Variants in SMARCC1 observed in about 807,000 individuals in gnomAD.
SMARCC1 encodes the protein SWI/SNF related BAF chromatin remodeling complex subunit C1.
Under a neutral mutation model 147.4 loss-of-function variants are expected in SMARCC1, and 43 were observed. The observed-to-expected ratio is 0.29, with a 90% CI of 0.23 to 0.38. The LOEUF (loss-of-function observed/expected upper bound fraction) is 0.38, where lower values mean the gene tolerates loss of function less well. Among genes scored for constraint, SMARCC1 ranks in the 10% least tolerant of loss-of-function variants. The probability of loss-of-function intolerance (pLI) is 1.00; values close to 1 mark genes in which losing one functional copy is unlikely to be tolerated. For synonymous variants in SMARCC1, 495 were observed against 484.4 expected (o/e 1.02, Z -0.29); for missense variants, 1,119 against 1,381.1 (o/e 0.81, Z 3.01).
intron 24 of SMARCC1, among the ~76,000 whole-genome samples, chr3:47,628,004 G>A (rs1158128247): frequency 6.6e-6 from 1 of 152,040 alleles, no homozygotes; most frequent in Non-Finnish European, 1.5e-5. Context: ...ATTACGGTGT[G>A]AGCCACTGTG....
In SMARCC1 at chr3:47,590,952, T is replaced by A. The variant is rs1157433750; in HGVS notation, c.3044-115A>T. The A allele has an allele frequency of 3.4e-6, 3 of 883,388 alleles. No individual in the cohort carries two copies. In the Admixed American group the frequency reaches 8.5e-5, roughly 25 times the overall value. 54.7% of individuals were successfully genotyped at this position (883,388 alleles called of 1,614,324 possible). ...CCAACCTTCCAAAGGATCTGAAATA[T>A]CAACAGAGCAATAATCTGTAATAAT... On this transcript the variant is annotated intron_variant, in intron 26 of 27. Coordinates refer to ENST00000254480, the MANE Select transcript of SMARCC1 (RefSeq NM_003074.4).
At chr3:47,748,516 A>AC (rs2034592275) in intron 2 of SMARCC1, among the ~76,000 whole-genome samples, 1 of 100,518 alleles carries the variant, frequency 9.9e-6, no homozygotes, top group Admixed American at 1.2e-4. Flanking sequence ...GAGCCACCGC[A>AC]CCCGGCCTAT....
chr3:47,659,289 A>T (rs935722182), intron 21 of SMARCC1, among the ~76,000 whole-genome samples: 3 of 151,090 alleles, frequency 2.0e-5, no homozygotes, highest in Non-Finnish European at 3.0e-5. Flanking sequence ...AAATAAAAAA[A>T]AAAGAAAAAA....
chr3:47,772,358 A>G (rs889787380), intron 2 of SMARCC1, among the ~76,000 whole-genome samples: 1 of 152,216 alleles, frequency 6.6e-6, no homozygotes, highest in Non-Finnish European at 1.5e-5. Flanking sequence ...AAACCACTGC[A>G]CTCCAGCCTG....
chr3:47,726,081 A>AAAAAAAAAAAAAC (rs57153677), intron 6 of SMARCC1, among the ~76,000 whole-genome samples: 1 of 148,776 alleles, frequency 6.7e-6, no homozygotes, highest in Non-Finnish European at 1.5e-5. Flanking sequence ...AAAAAAAAAA[A>AAAAAAAAAAAAAC]GGTGAATTTC....
intron 25 of SMARCC1, among the ~76,000 whole-genome samples, chr3:47,618,018 T>C (rs2032671155): frequency 6.6e-6 from 1 of 152,138 alleles, no homozygotes; most frequent in Non-Finnish European, 1.5e-5. Context: ...TTGACATTCA[T>C]TCAGTAGGGG....
In SMARCC1 at chr3:47,588,234, C is replaced by T. The variant is rs778016777; in HGVS notation, c.3293G>A (p.Gly1098Asp). 3 of 1,613,546 alleles carry T rather than the reference C, an allele frequency of 1.9e-6. No individual in the cohort carries two copies. The highest frequency in any genetic ancestry group is 4.5e-5 in the East Asian group (2 of 44,834). Residue 1098 changes from glycine to aspartate, a missense_variant, in exon 28 of 28, where the codon GGC (glycine) becomes GAC (aspartate). This residue lies in a region of SMARCC1 where 186 missense variants were observed against 216.5 expected (regional missense o/e 0.86). Coordinates refer to ENST00000254480, the MANE Select transcript of SMARCC1 (RefSeq NM_003074.4). ...CTAAGGAGCAGCTGAGGCTGGCGGGCCAGGAGCAGGAGGCGGAGGGACCCC... is the reference window on the plus strand; with the variant it reads ...CTAAGGAGCAGCTGAGGCTGGCGGGTCAGGAGCAGGAGGCGGAGGGACCCC... The part of the protein sequence containing the change: ...ADGVPPPPAP[G>D]PPASAAP
At chr3:47,609,597 A>G (rs996600699) in intron 26 of SMARCC1, among the ~76,000 whole-genome samples, 5 of 152,152 alleles carry the variant, frequency 3.3e-5, no homozygotes, top group African/African-American at 9.6e-5. Flanking sequence ...TAAAATGTTG[A>G]TAATTTTGAA....
At chr3:47,720,822 T>G in intron 6 of SMARCC1, 87 bp from the exon 7 acceptor site, 1 of 1,054,742 alleles carries the variant, frequency 9.5e-7, no homozygotes, top group Non-Finnish European at 1.4e-6. Flanking sequence ...ACTAAGATGT[T>G]TTAGTTTGCT....
At chr3:47,755,780 C>T (rs556503511) in intron 2 of SMARCC1, among the ~76,000 whole-genome samples, 28 of 151,590 alleles carry the variant, frequency 1.8e-4, no homozygotes, top group Non-Finnish European at 3.2e-4. Context: ...ATCACAAGGT[C>T]AGGAGTTCGA....
chr3:47,644,020 C>A (rs1169452894), intron 21 of SMARCC1, among the ~76,000 whole-genome samples: 2 of 152,224 alleles, frequency 1.3e-5, no homozygotes, highest in Admixed American at 1.3e-4. Flanking sequence ...GATTCCATAT[C>A]TATAAAAAAA....
chr3:47,610,674 T>C, intron 25 of SMARCC1: 1 of 275,938 alleles, frequency 3.6e-6, no homozygotes, highest in South Asian at 4.7e-5. Flanking sequence ...TCTATGGCTG[T>C]CTGAGTCTTC....
At chr3:47,781,513 G>A (rs1158859791) in intron 1 of SMARCC1, 90 bp downstream of exon 1, 1 of 899,452 alleles carries the variant, frequency 1.1e-6, no homozygotes, top group East Asian at 3.4e-5. Context: ...GGCGTGCGGG[G>A]GGGAGGGGCG....
intron 11 of SMARCC1, among the ~76,000 whole-genome samples, chr3:47,696,133 G>A (rs892352097): frequency 2.0e-5 from 3 of 150,638 alleles, no homozygotes; most frequent in Admixed American, 6.6e-5. Flanking sequence ...CACTTTGGGA[G>A]GCCAAGGCGG....
intron 1 of SMARCC1, among the ~76,000 whole-genome samples, chr3:47,778,925 C>G (rs2035010472): frequency 6.6e-6 from 1 of 151,782 alleles, no homozygotes; most frequent in Admixed American, 6.6e-5. Flanking sequence ...GAGGTTGAGG[C>G]TGCAGTGTGC....
chr3:47,717,981 C>A (rs991602731), intron 7 of SMARCC1, among the ~76,000 whole-genome samples: 2 of 151,202 alleles, frequency 1.3e-5, no homozygotes, highest in Non-Finnish European at 2.9e-5. Flanking sequence ...TACAGAGCAC[C>A]CCCCCTGCCC....
At chr3:47,642,132 A>G (rs2033055945) in intron 21 of SMARCC1, among the ~76,000 whole-genome samples, 1 of 152,224 alleles carries the variant, frequency 6.6e-6, no homozygotes, top group Admixed American at 6.5e-5. Flanking sequence ...GACTCCAAAA[A>G]AAAGAAGAAA....
intron 21 of SMARCC1, among the ~76,000 whole-genome samples, chr3:47,641,281 G>C (rs115637138): frequency 0.039 from 5,876 of 152,246 alleles, 385 homozygotes; most frequent in African/African-American, 0.13. Flanking sequence ...GAGTCAAGGA[G>C]TTTGAGACCA....
intron 21 of SMARCC1, among the ~76,000 whole-genome samples, chr3:47,640,155 G>A (rs2033029612): frequency 6.6e-6 from 1 of 151,688 alleles, no homozygotes; most frequent in Non-Finnish European, 1.5e-5. Context: ...GCTTAAATCA[G>A]AAAAGAAATA....
Sources: allele counts gnomAD v4.1 joint callset (sites outside exome capture counted in the v4.1 genomes callset), GRCh38; gene constraint gnomAD v4.1.1; regional missense constraint gnomAD v4.1.1; transcripts MANE v1.5; gene names NCBI Gene and HGNC (gene_info 2026-07-23, HGNC 2026-07-21).